The following SPATA31C1 variants were observed in gnomAD, a reference collection of about 807,000 sequenced individuals.
The protein encoded by SPATA31C1 is spermatogenesis-associated protein 31C1.
intron 1 of SPATA31C1, among the ~76,000 whole-genome samples, chr9:87,917,228 G>T (rs1263701204): frequency 2.8e-5 from 4 of 142,710 alleles, no homozygotes; most frequent in African/African-American, 7.4e-5. Flanking sequence ...TGGCTAACAC[G>T]GTGAAACCCC....
Position 87,915,615 on chromosome 9 carries a change from T to A in SPATA31C1, n.189+905T>A, listed in dbSNP as rs1479115189. Among the ~76,000 whole-genome samples the A allele has an allele frequency of 8.3e-5, 12 of 145,424 alleles. 1 individual carries two copies. Among genetic ancestry groups the A allele is most frequent in the South Asian group, 6.9e-4 (3 of 4,332 alleles). On this transcript the variant is annotated intron_variant and non_coding_transcript_variant, in intron 1 of 4. Coordinates refer to ENST00000420021, the Ensembl canonical transcript of SPATA31C1. The stretch of plus-strand genomic sequence containing the variant: ...CGCGCCCGGCTGATCCTTTTTTTTT[T>A]AATAAAGACATGAGGTTAGATTGAG...
rs746617600 is a variant in SPATA31C1 at position 87,922,513 on chromosome 9, T to A, written n.2903T>A. ...GCTGTTAGTGAATTTGAGCCTGGAA[T>A]GGCCACGAAGTCAGAGACCCAGCCT... On this transcript the variant is annotated non_coding_transcript_exon_variant, in exon 5 of 5. Transcript: ENST00000420021. 2.6e-3 allele frequency: 4,243 copies of A among 1,601,192 alleles called. 177 individuals are homozygous for A. In the South Asian group the frequency reaches 0.032, roughly 12 times the overall value.
rs776119670 is a variant in SPATA31C1 at position 87,923,106 on chromosome 9, C to G, written n.3496C>G. 2.2e-5 allele frequency: 35 copies of G among 1,603,138 alleles called. No homozygotes were observed. The Admixed American group carries it at 5.4e-4, about 25-fold the overall frequency. On this transcript the variant is annotated non_coding_transcript_exon_variant, in exon 5 of 5. Transcript: ENST00000420021. ...TGAGAGGCTCATGACAGCAGTTGGA[C>G]AGATACCGGAGGAGAACATGTCACT...
Position 87,916,736 on chromosome 9 carries a change from G to A in SPATA31C1, n.190-1111G>A, listed in dbSNP as rs1171478672. Among the ~76,000 whole-genome samples, 6 of 105,852 alleles carry A rather than the reference G, an allele frequency of 5.7e-5. No homozygotes were observed. In the South Asian group the frequency reaches 2.0e-3, roughly 35 times the overall value. 69.4% of individuals were successfully genotyped at this position (105,852 alleles called of 152,430 possible). ...CAGCAGGCCCGGCACGGTGGCTCAC[G>A]CCTGTAATCCCAGCACTTTGGGAGG... On this transcript the variant is annotated intron_variant and non_coding_transcript_variant, in intron 1 of 4. Coordinates refer to ENST00000420021, the Ensembl canonical transcript of SPATA31C1.
chr9:87,915,764 G>C (rs1828701864), intron 1 of SPATA31C1, among the ~76,000 whole-genome samples: 1 of 143,482 alleles, frequency 7.0e-6, no homozygotes, highest in Admixed American at 6.9e-5. Context: ...TCTCAATTCT[G>C]TTTTATTGAA....
exon 5 of SPATA31C1, chr9:87,920,700 A>C: frequency 6.2e-7 from 1 of 1,613,878 alleles, no homozygotes; most frequent in Non-Finnish European, 8.5e-7. Flanking sequence ...CGTCCCTCAA[A>C]GCTTGTCTCC....
chr9:87,919,558 C>T (rs1828794037), intron 3 of SPATA31C1, among the ~76,000 whole-genome samples: 1 of 91,728 alleles, frequency 1.1e-5, no homozygotes, highest in East Asian at 3.2e-4. Context: ...GTGTGTGTGT[C>T]CTGGGGAGAC....
exon 5 of SPATA31C1, chr9:87,921,800 G>A (rs191804023): frequency 1.9e-6 from 3 of 1,612,026 alleles, no homozygotes; most frequent in African/African-American, 1.3e-5. Context: ...CGAAAAGTAG[G>A]AAAGCCTGTG....
chr9:87,918,955 T>C (rs1202474052), intron 2 of SPATA31C1: 5 of 373,894 alleles, frequency 1.3e-5, no homozygotes, highest in Non-Finnish European at 2.6e-5. Context: ...GTATTTTTAG[T>C]AGAGATGGGG....
exon 5 of SPATA31C1, chr9:87,920,430 C>T: frequency 6.2e-7 from 1 of 1,613,978 alleles, no homozygotes; most frequent in Non-Finnish European, 8.5e-7. Context: ...CAAGCATCCT[C>T]AGGATCTGGC....
chr9:87,920,480 C>T (rs770278460), exon 5 of SPATA31C1: 10 of 1,613,842 alleles, frequency 6.2e-6, no homozygotes, highest in African/African-American at 1.3e-5. Flanking sequence ...CCTCAGTCTC[C>T]TCCCTAAGTG....
exon 5 of SPATA31C1, chr9:87,920,844 C>A: frequency 1.2e-6 from 2 of 1,613,672 alleles, no homozygotes; most frequent in Non-Finnish European, 1.7e-6. Context: ...CCAGCAAGAT[C>A]ATCTTTCCCG....
In SPATA31C1 at chr9:87,922,594, A is replaced by G. The variant is rs550465601; in HGVS notation, n.2984A>G. ...GATGGGCAAGCATCTGTTGTGCCCC[A>G]TGCTTCAGAGAATTTGGCTTCTCAA... On this transcript the variant is annotated non_coding_transcript_exon_variant, in exon 5 of 5. Coordinates refer to ENST00000420021, the Ensembl canonical transcript of SPATA31C1. 3.8e-5 allele frequency: 61 copies of G among 1,609,284 alleles called. No individual in the cohort carries two copies. In the East Asian group the frequency reaches 1.2e-3, roughly 31 times the overall value.
exon 5 of SPATA31C1, chr9:87,921,236 C>T: frequency 6.2e-7 from 1 of 1,611,980 alleles, no homozygotes; most frequent in Non-Finnish European, 8.5e-7. Flanking sequence ...GACTGACATC[C>T]ATTCTGCCTG....
exon 5 of SPATA31C1, chr9:87,920,576 T>G: frequency 6.2e-7 from 1 of 1,613,710 alleles, no homozygotes; most frequent in Non-Finnish European, 8.5e-7. Context: ...CACACACCCC[T>G]GATCCTCTGG....
chr9:87,920,470 C>G, exon 5 of SPATA31C1: 1 of 1,613,988 alleles, frequency 6.2e-7, no homozygotes, highest in South Asian at 1.1e-5. Flanking sequence ...CCAATGACCA[C>G]CTCAGTCTCC....
intron 2 of SPATA31C1, 127 bp from the exon 2 acceptor site, chr9:87,919,128 G>A: frequency 7.2e-7 from 1 of 1,393,908 alleles, no homozygotes; most frequent in African/African-American, 1.4e-5. Flanking sequence ...TGAGTGGGAG[G>A]GGAGAAAGCA....
chr9:87,919,533 AC>A (rs1173827604), intron 3 of SPATA31C1, among the ~76,000 whole-genome samples, 185 bp downstream of exon 2: 1 of 99,180 alleles, frequency 1.0e-5, no homozygotes, highest in Non-Finnish European at 2.0e-5. Flanking sequence ...ACTGAGCGTT[AC>A]CCAGCAGGGG....
exon 5 of SPATA31C1, chr9:87,920,740 C>A (rs548729484): frequency 6.2e-7 from 1 of 1,612,464 alleles, no homozygotes; most frequent in East Asian, 2.2e-5. Flanking sequence ...TCTGTCCCAG[C>A]CATCTCAGGC....
Sources: gnomAD v4.1 joint callset for allele counts (sites outside exome capture counted in the v4.1 genomes callset) on GRCh38, gnomAD v4.1.1 for gene constraint, MANE v1.5 for transcripts, NCBI Gene and HGNC (gene_info 2026-07-23, HGNC 2026-07-21) for gene names.